The following DGKI variants were observed in gnomAD, a reference collection of about 807,000 sequenced individuals.
DGKI encodes DAG kinase iota.
In DGKI, 55 loss-of-function variants were observed where a neutral mutation model predicts 147.5. The ratio of observed to expected loss-of-function variants is 0.37; its 90% CI spans 0.30 to 0.47. DGKI has a LOEUF of 0.47. DGKI is among the 20% of genes least tolerant of loss of function. DGKI has a pLI of 1.00. For missense variants in DGKI, 1,007 were observed against 1,323.8 expected (o/e 0.76, Z 3.71); for synonymous variants, 469 against 477.1 (o/e 0.98, Z 0.22).
At chr7:137,467,293 T>C (rs376393368) in intron 24 of DGKI, among the ~76,000 whole-genome samples, 1 of 152,366 alleles carries the variant, frequency 6.6e-6, no homozygotes, top group African/African-American at 2.4e-5. Context: ...TTAAAACTTC[T>C]TATACAGACT....
intron 27 of DGKI, among the ~76,000 whole-genome samples, chr7:137,459,161 A>G (rs1669041581): frequency 1.3e-5 from 2 of 152,192 alleles, no homozygotes; most frequent in South Asian, 4.1e-4. Flanking sequence ...GTAATGATAG[A>G]AATCTAATTC....
chr7:137,798,528 C>G (rs1186915851), intron 1 of DGKI, among the ~76,000 whole-genome samples: 1 of 152,088 alleles, frequency 6.6e-6, no homozygotes, highest in Non-Finnish European at 1.5e-5. Context: ...CTCCTGTGAT[C>G]TTCCCACCTC....
In DGKI at chr7:137,710,611, T is replaced by C. The variant is rs539544623; in HGVS notation, c.402-20609A>G. On this transcript the variant is annotated intron_variant, in intron 1 of 32. Transcript: ENST00000614521. Reference sequence around the variant, plus strand: ...AATTGTATTTATACCTCGAAGCATATATACATTTGATCCCAGGTAGATTAA... The same window carrying C: ...AATTGTATTTATACCTCGAAGCATACATACATTTGATCCCAGGTAGATTAA... 3.3e-5 allele frequency among the ~76,000 whole-genome samples: 5 copies of C among 152,256 alleles called. No individual in the cohort carries two copies. The South Asian group carries it at 8.3e-4, about 25-fold the overall frequency.
chr7:137,809,910 A>C (rs1373769440), intron 1 of DGKI, among the ~76,000 whole-genome samples: 1 of 152,190 alleles, frequency 6.6e-6, no homozygotes, highest in East Asian at 1.9e-4. Context: ...TTGGAAAAAA[A>C]AAAATCCACA....
chr7:137,693,271 T>C (rs1247857080), intron 1 of DGKI, among the ~76,000 whole-genome samples: 1 of 152,140 alleles, frequency 6.6e-6, no homozygotes, highest in Non-Finnish European at 1.5e-5. Flanking sequence ...GGTTTCAACT[T>C]GTTCTTTCCT....
At chr7:137,660,111 A>C (rs567664816) in intron 3 of DGKI, among the ~76,000 whole-genome samples, 1 of 152,364 alleles carries the variant, frequency 6.6e-6, no homozygotes, top group South Asian at 2.1e-4. Flanking sequence ...AGGCCAGTTG[A>C]GCTTACTGCC....
chr7:137,495,026 C>A (rs1815910294), intron 21 of DGKI, among the ~76,000 whole-genome samples: 2 of 151,910 alleles, frequency 1.3e-5, no homozygotes, highest in African/African-American at 4.8e-5. Flanking sequence ...AGACTTTAAA[C>A]CATCACAGAT....
intron 28 of DGKI, among the ~76,000 whole-genome samples, chr7:137,441,802 T>C (rs968883252): frequency 1.3e-5 from 2 of 152,178 alleles, no homozygotes; most frequent in African/African-American, 4.8e-5. Flanking sequence ...GCCTTAAATT[T>C]TCTACCAATA....
chr7:137,530,367 T>G (rs763235693), intron 20 of DGKI, among the ~76,000 whole-genome samples: 3 of 152,176 alleles, frequency 2.0e-5, no homozygotes, highest in Non-Finnish European at 4.4e-5. Context: ...ATCTTTCAAA[T>G]ACGTATGCTT....
intron 2 of DGKI, 39 bp from the exon 3 acceptor site, chr7:137,678,691 T>C (rs1823125582): frequency 8.9e-6 from 14 of 1,574,466 alleles, no homozygotes; most frequent in Non-Finnish European, 1.1e-5. Flanking sequence ...ATTTTTTTTT[T>C]CCAGGGATAA....
At chr7:137,504,462 T>G (rs1473078583) in intron 21 of DGKI, among the ~76,000 whole-genome samples, 1 of 152,132 alleles carries the variant, frequency 6.6e-6, no homozygotes, top group East Asian at 1.9e-4. Context: ...ATATATGAAT[T>G]GTGGAGGCTT....
intron 1 of DGKI, among the ~76,000 whole-genome samples, chr7:137,716,750 A>G (rs1308996045): frequency 6.6e-6 from 1 of 152,160 alleles, no homozygotes; most frequent in Non-Finnish European, 1.5e-5. Context: ...ATTCCCCAAG[A>G]TCAAGGTAGG....
rs972708175 is a variant in DGKI at position 137,819,381 on chromosome 7, G to A, written c.401+27081C>T. Among the ~76,000 whole-genome samples the A allele has an allele frequency of 2.7e-5, 4 of 150,194 alleles. No homozygotes were observed. The South Asian group carries it at 6.3e-4, about 24-fold the overall frequency. On this transcript the variant is annotated intron_variant, in intron 1 of 32. Coordinates refer to ENST00000614521, the MANE Select transcript of DGKI (RefSeq NM_001321708.2). ...GGCTGGAGTGCAGTGGCGCCATCTC[G>A]GCTCACCGCAAGCTCCACCTCCCAG...
At chr7:137,403,221 C>T (rs1471180696) in intron 30 of DGKI, among the ~76,000 whole-genome samples, 1 of 152,156 alleles carries the variant, frequency 6.6e-6, no homozygotes, top group Non-Finnish European at 1.5e-5. Flanking sequence ...CCCCGAGTCT[C>T]TTTTCAACTC....
intron 28 of DGKI, among the ~76,000 whole-genome samples, chr7:137,424,005 T>C (rs1445568514): frequency 6.6e-6 from 1 of 152,190 alleles, no homozygotes; most frequent in African/African-American, 2.4e-5. Flanking sequence ...CCTAATGCTA[T>C]CCCTCCCCTA....
rs1811112779 is a variant in DGKI, at chr7:137,383,730, C to T, written c.*7490G>A. ...ATAAGTAATAAAGCTAACTCCTTTT[C>T]ATGTGTTACTGCTCTTTTCTTTCCT... On this transcript the variant is annotated 3_prime_UTR_variant, in exon 33 of 33. Coordinates refer to ENST00000614521, the MANE Select transcript of DGKI (RefSeq NM_001321708.2). 6.6e-6 allele frequency: 1 copy of T among 151,998 alleles called. No homozygotes were observed. Among genetic ancestry groups the T allele is most frequent in the Non-Finnish European group, 1.5e-5 (1 of 67,926 alleles). The allele number at this position is 151,998 out of a possible 1,614,324, so 9.4% of individuals were successfully genotyped here. A position where few individuals can be genotyped will look rare whatever the true frequency, so the allele number is the denominator to read the frequency against.
intron 2 of DGKI, among the ~76,000 whole-genome samples, chr7:137,687,306 A>C (rs1823452150): frequency 1.3e-5 from 2 of 152,182 alleles, no homozygotes; most frequent in African/African-American, 2.4e-5. Flanking sequence ...GAAAGAATCA[A>C]AGAGGCTCCA....
At chr7:137,628,478 T>C (rs1278211282) in intron 6 of DGKI, among the ~76,000 whole-genome samples, 1 of 152,182 alleles carries the variant, frequency 6.6e-6, no homozygotes, top group Non-Finnish European at 1.5e-5. Context: ...AACCACCTGC[T>C]ATAGGAAGAC....
At chr7:137,807,379 G>T (rs1797413668) in intron 1 of DGKI, among the ~76,000 whole-genome samples, 1 of 152,164 alleles carries the variant, frequency 6.6e-6, no homozygotes, top group Admixed American at 6.5e-5. Context: ...ATGACATCTA[G>T]GTACATTTGG....
Sources: gnomAD v4.1 joint callset for allele counts (sites outside exome capture counted in the v4.1 genomes callset) on GRCh38, gnomAD v4.1.1 for gene constraint, MANE v1.5 for transcripts, NCBI Gene and HGNC (gene_info 2026-07-23, HGNC 2026-07-21) for gene names.